NF1: variants seen among roughly 807,000 people sequenced by gnomAD.
The protein encoded by NF1 is neurofibromin 1.
NF1 carries 122 observed loss-of-function variants against 325.7 expected under a neutral mutation model. The observed-to-expected ratio is 0.37, with a 90% CI of 0.32 to 0.44. The LOEUF (loss-of-function observed/expected upper bound fraction) is 0.44, where lower values mean the gene tolerates loss of function less well. NF1 is among the 20% of genes least tolerant of loss of function. The pLI is 1.00. For missense variants in NF1, 2,140 were observed against 3,415.4 expected (o/e 0.63, Z 9.31); for synonymous variants, 1,091 against 1,186.0 (o/e 0.92, Z 1.65).
At chr17:31,293,355 C>T (rs1426842716) in intron 36 of NF1, among the ~76,000 whole-genome samples, 1 of 151,874 alleles carries the variant, frequency 6.6e-6, no homozygotes, top group Non-Finnish European at 1.5e-5. Flanking sequence ...GTGGAGATAG[C>T]TTCCGTATAT....
chr17:31,240,564 A>G (rs944007366), intron 29 of NF1, among the ~76,000 whole-genome samples: 1 of 152,198 alleles, frequency 6.6e-6, no homozygotes, highest in Non-Finnish European at 1.5e-5. Flanking sequence ...TGTCTTCAAT[A>G]TACTGATTTC....
rs371047262 is a variant in NF1 at position 31,232,043 on chromosome 17, ATTTTTT to A, written c.3198-9_3198-4del. On this transcript the variant is annotated intron_variant, in intron 24 of 57. Coordinates refer to ENST00000358273, the MANE Select transcript of NF1 (RefSeq NM_001042492.3). Reference sequence around the variant, plus strand: ...AACTTGAAAGATTCATGGTCTCTAAATTTTTTTTTTTTTTTTTTTTTTTTTTCAGAG... The same window carrying A: ...AACTTGAAAGATTCATGGTCTCTAAATTTTTTTTTTTTTTTTTTTTCAGAG... 1.5e-4 allele frequency: 91 copies of A among 589,836 alleles called. 1 individual carries two copies. Among genetic ancestry groups the A allele is most frequent in the African/African-American group, 7.7e-4 (25 of 32,584 alleles). The allele number at this position is 589,836 out of a possible 1,614,324, so 36.5% of individuals were successfully genotyped here.
rs1007309645 is a variant in NF1, at chr17:31,189,758, ATTT to A, written c.888+7111_888+7113del. Among the ~76,000 whole-genome samples, 195 of 118,560 alleles carry A rather than the reference ATTT, an allele frequency of 1.6e-3. 1 individual carries two copies. Among genetic ancestry groups the A allele is most frequent in the African/African-American group, 5.6e-3 (178 of 31,594 alleles). 77.8% of individuals were successfully genotyped at this position (118,560 alleles called of 152,430 possible). A position where few individuals can be genotyped will look rare whatever the true frequency, so the allele number is the denominator to read the frequency against. On this transcript the variant is annotated intron_variant, in intron 8 of 57. Transcript: ENST00000358273. ...ATCTTTCTGGATTAAAAAGAAAAGT[ATTT>A]TTTTTTTTTTTTTTTTTGAGACGGT... is the stretch of plus-strand genomic sequence containing the variant.
intron 5 of NF1, among the ~76,000 whole-genome samples, chr17:31,174,412 A>AT (rs1166156644): frequency 6.6e-6 from 1 of 152,212 alleles, no homozygotes; most frequent in African/African-American, 2.4e-5. Context: ...GGTAATCTTT[A>AT]TCAAGGGCCC....
intron 1 of NF1, among the ~76,000 whole-genome samples, chr17:31,103,871 G>T (rs1912600414): frequency 6.6e-6 from 1 of 151,262 alleles, no homozygotes; most frequent in South Asian, 2.1e-4. Flanking sequence ...GTAAAGAAAA[G>T]AAAAAAAACA....
chr17:31,161,279 G>T lies in NF1; in HGVS notation c.289-1907G>T, dbSNP rs992339607. ...AGTTAACATCTGTATTGTTTGGTTA[G>T]CCTATAAACAAGAAATAGGCATTGT... On this transcript the variant is annotated intron_variant, in intron 3 of 57. Coordinates refer to ENST00000358273, the MANE Select transcript of NF1 (RefSeq NM_001042492.3). 4.6e-5 allele frequency among the ~76,000 whole-genome samples: 7 copies of T among 152,268 alleles called. 1 individual carries two copies. The highest frequency in any genetic ancestry group is 1.0e-4 in the Non-Finnish European group (7 of 68,018).
intron 48 of NF1, among the ~76,000 whole-genome samples, chr17:31,347,033 A>G (rs2151569969): frequency 6.6e-6 from 1 of 151,890 alleles, no homozygotes; most frequent in East Asian, 1.9e-4. Flanking sequence ...TGTGAAAAAA[A>G]AAACCCCTGA....
chr17:31,326,373 C>A, intron 37 of NF1, 121 bp downstream of exon 37: 1 of 995,806 alleles, frequency 1.0e-6, no homozygotes, highest in Non-Finnish European at 1.5e-6. Flanking sequence ...GTAAGGCTGT[C>A]GCGGTGGCTC....
At chr17:31,304,175 T>C (rs1364243025) in intron 36 of NF1, 11 of 1,293,762 alleles carry the variant, frequency 8.5e-6, no homozygotes, top group Non-Finnish European at 8.5e-6. Flanking sequence ...CAAAATTGAC[T>C]ATCAGTTGCC....
At chr17:31,301,825 A>G (rs187867596) in intron 36 of NF1, among the ~76,000 whole-genome samples, 11 of 152,286 alleles carry the variant, frequency 7.2e-5, no homozygotes, top group South Asian at 2.1e-4. Flanking sequence ...GGTTAATGCT[A>G]TTTTGGTTAA....
At chr17:31,227,696 A>G (rs1183852669) in intron 20 of NF1, 90 bp downstream of exon 20, 18 of 1,132,982 alleles carry the variant, frequency 1.6e-5, no homozygotes, top group Middle Eastern at 3.9e-4. Context: ...CGCTCAGTAA[A>G]GTAAACATAT....
intron 57 of NF1, among the ~76,000 whole-genome samples, chr17:31,371,632 T>TGATTA (rs530918612): frequency 1.6e-4 from 24 of 152,340 alleles, no homozygotes; most frequent in African/African-American, 3.6e-4. Flanking sequence ...TCTATGCATA[T>TGATTA]GATTAGATTA....
chr17:31,374,309 C>G lies in NF1; in HGVS notation c.*154C>G. The G allele has an allele frequency of 1.0e-6, 1 of 953,994 alleles. No individual in the cohort carries two copies. Among genetic ancestry groups the G allele is most frequent in the South Asian group, 1.4e-5 (1 of 70,838 alleles). 59.1% of individuals were successfully genotyped at this position (953,994 alleles called of 1,614,324 possible). A position where few individuals can be genotyped will look rare whatever the true frequency, so the allele number is the denominator to read the frequency against. On this transcript the variant is annotated 3_prime_UTR_variant, in exon 58 of 58. Transcript: ENST00000358273. ...TTGCCATGTTGCCAGATGATCAACT[C>G]TTCGAAGCCTTGCCTAAATTTAATG... is the stretch of plus-strand genomic sequence containing the variant.
At position 31,340,519 on chromosome 17, in the gene NF1, C is replaced by G. The variant is rs1567618937; in HGVS notation, c.6936C>G (p.His2312Gln). 1.2e-6 allele frequency: 2 copies of G among 1,614,060 alleles called. No homozygotes were observed. Among genetic ancestry groups the G allele is most frequent in the Admixed American group, 3.3e-5 (2 of 60,004 alleles). The change falls in exon 47 of 58, where the codon CAC becomes CAG. Residue 2312 changes from histidine to glutamine, a missense_variant. Physicochemically the swap from His to Gln is conservative, Grantham distance 24. Transcript: ENST00000358273. ...TTCTTTGCCAGGACTCGCCTCTGCA[C>G]AAAGCCCTCTTTTGGGTAGCTGTGG... ...QPLLNKDSPL[H>Q]KALFWVAVAV...
chr17:31,329,522 A>G (rs2069428871), intron 38 of NF1, among the ~76,000 whole-genome samples: 2 of 152,204 alleles, frequency 1.3e-5, no homozygotes, highest in Non-Finnish European at 2.9e-5. Context: ...TGAACAAACT[A>G]TTTCCTTTAC....
At chr17:31,276,081 C>T (rs560425429) in intron 36 of NF1, among the ~76,000 whole-genome samples, 47 of 151,904 alleles carry the variant, frequency 3.1e-4, no homozygotes, top group African/African-American at 8.9e-4. Flanking sequence ...TGGTGGTATG[C>T]GCCTGTAGTC....
At chr17:31,257,663 T>C (rs187731341) in intron 31 of NF1, 2 of 152,318 alleles carry the variant, frequency 1.3e-5, no homozygotes, top group Admixed American at 6.5e-5. Context: ...TTCTCTCTTC[T>C]GGTGAGATCC....
In NF1 at chr17:31,225,188, C is replaced by T. The variant is rs776251084; in HGVS notation, c.1939C>T (p.His647Tyr). Residue 647 changes from histidine to tyrosine, a missense_variant, in exon 17 of 58, where the codon CAT (histidine) becomes TAT (tyrosine). Physicochemically the swap from His to Tyr is moderately conservative, Grantham distance 83. Transcript: ENST00000358273. ...SGNTSQMSMD[H>Y]EELLRTPGAS... The stretch of plus-strand genomic sequence containing the variant: ...AAATACCAGTCAAATGTCCATGGAT[C>T]ATGAAGAATTACTACGTACTCCTGG... 27 of 1,613,750 alleles carry T rather than the reference C, an allele frequency of 1.7e-5. No homozygotes were observed. The highest frequency in any genetic ancestry group is 2.2e-5 in the Non-Finnish European group (26 of 1,179,750).
Position 31,095,027 on chromosome 17 carries a change from A to G in NF1, c.-283A>G. The stretch of plus-strand genomic sequence containing the variant: ...GTCTCGGACTGTGATGGCTGTGGGG[A>G]GACGGCGCTAGTGGGGAGAGCGACC... On this transcript the variant is annotated 5_prime_UTR_variant, in exon 1 of 58. Coordinates refer to ENST00000358273, the MANE Select transcript of NF1 (RefSeq NM_001042492.3). The G allele has an allele frequency of 1.7e-6, 1 of 576,466 alleles. No homozygotes were observed. Among genetic ancestry groups the G allele is most frequent in the South Asian group, 2.0e-5 (1 of 49,232 alleles). 35.7% of individuals were successfully genotyped at this position (576,466 alleles called of 1,614,324 possible). A position where few individuals can be genotyped will look rare whatever the true frequency, so the allele number is the denominator to read the frequency against.
Sources: gnomAD v4.1 joint callset for allele counts (sites outside exome capture counted in the v4.1 genomes callset) on GRCh38, gnomAD v4.1.1 for gene constraint, MANE v1.5 for transcripts, NCBI Gene and HGNC (gene_info 2026-07-23, HGNC 2026-07-21) for gene names.